BAD: variants seen among roughly 807,000 people sequenced by gnomAD.
BAD encodes bcl2-associated agonist of cell death.
Under a neutral mutation model 17.8 loss-of-function variants are expected in BAD, and 18 were observed. That is an observed-to-expected ratio of 1.01 (90% CI 0.70 to 1.50). The LOEUF is 1.50. Among genes scored for constraint, BAD ranks in the 40% most tolerant of loss-of-function variants. BAD has a pLI of 0.00. For synonymous variants in BAD, 112 were observed against 91.5 expected (o/e 1.22, Z -1.28); for missense variants, 294 against 239.3 (o/e 1.23, Z -1.51).
chr11:64,272,503 C>T (rs969064994), intron 2 of BAD, among the ~76,000 whole-genome samples: 4 of 152,164 alleles, frequency 2.6e-5, no homozygotes, highest in Non-Finnish European at 2.9e-5. Context: ...ACCTGCAGAG[C>T]CCCTGGAGAA....
At chr11:64,270,705 G>C (rs1239047709) in intron 3 of BAD, 3 of 508,118 alleles carry the variant, frequency 5.9e-6, no homozygotes, top group South Asian at 4.6e-5. Context: ...TGAAGCGGGA[G>C]GATCCTTTGA....
intron 2 of BAD, among the ~76,000 whole-genome samples, chr11:64,282,714 A>G (rs942761297): frequency 4.0e-5 from 6 of 151,320 alleles, no homozygotes; most frequent in Admixed American, 3.3e-4. Context: ...CCCATCTCTA[A>G]TAAAAATACA....
intron 2 of BAD, among the ~76,000 whole-genome samples, chr11:64,281,157 C>CG (rs1256100547): frequency 1.3e-5 from 2 of 152,058 alleles, no homozygotes; most frequent in Admixed American, 6.6e-5. Flanking sequence ...TTAGTGGAGA[C>CG]GGGGTTCACC....
intron 2 of BAD, among the ~76,000 whole-genome samples, chr11:64,278,391 T>A (rs765039217): frequency 1.2e-4 from 18 of 148,164 alleles, no homozygotes; most frequent in Non-Finnish European, 2.4e-4. Context: ...TATATATTTA[T>A]ATATAAATAT....
intron 2 of BAD, among the ~76,000 whole-genome samples, chr11:64,283,581 G>A (rs575580964): frequency 2.6e-5 from 4 of 152,210 alleles, no homozygotes; most frequent in Admixed American, 6.5e-5. Flanking sequence ...CTGTGGGTAC[G>A]AGCCACAGGG....
At chr11:64,274,619 G>C (rs941227487) in intron 2 of BAD, among the ~76,000 whole-genome samples, 9 of 152,056 alleles carry the variant, frequency 5.9e-5, no homozygotes, top group Non-Finnish European at 1.2e-4. Flanking sequence ...TCAGGAGTTC[G>C]AGACCAGCCT....
At chr11:64,283,445 AG>A (rs2033618070) in intron 2 of BAD, among the ~76,000 whole-genome samples, 1 of 152,230 alleles carries the variant, frequency 6.6e-6, no homozygotes, top group South Asian at 2.1e-4. Context: ...AAATGGACAT[AG>A]AACCCCAGTG....
At chr11:64,271,509 T>A in intron 3 of BAD, 104 bp downstream of exon 3, 1 of 1,193,796 alleles carries the variant, frequency 8.4e-7, no homozygotes. Context: ...TGGGGAGGGG[T>A]CGTGGGACTC....
chr11:64,274,992 C>CAAAAAAGAA (rs2032947214), intron 2 of BAD, among the ~76,000 whole-genome samples: 1 of 54,406 alleles, frequency 1.8e-5, no homozygotes, highest in African/African-American at 9.2e-5. Flanking sequence ...GACTTTGTCT[C>CAAAAAAGAA]AAAAAAAAAA....
intron 2 of BAD, among the ~76,000 whole-genome samples, chr11:64,274,008 C>T (rs2032848179): frequency 1.3e-5 from 2 of 152,162 alleles, no homozygotes. Context: ...GTCTCTTCTC[C>T]CCTCAGAGGA....
At position 64,269,874 on chromosome 11, in the gene BAD, GC is replaced by G; in HGVS notation, c.*334del. On this transcript the variant is annotated 3_prime_UTR_variant, in exon 4 of 4. Coordinates refer to ENST00000309032, the MANE Select transcript of BAD (RefSeq NM_032989.3). ...TTATTAACATTTGGTAGTGAGCACG[GC>G]CCCCAGGGCATCGCGGGGGCTCGGG... The G allele has an allele frequency of 1.4e-6, 1 of 698,810 alleles. No individual in the cohort carries two copies. The highest frequency in any genetic ancestry group is 3.6e-4 in the Middle Eastern group (1 of 2,778). The allele number at this position is 698,810 out of a possible 1,614,324, so 43.3% of individuals were successfully genotyped here.
intron 2 of BAD, among the ~76,000 whole-genome samples, chr11:64,280,340 A>ATAG (rs2033373740): frequency 7.4e-6 from 1 of 134,570 alleles, no homozygotes. Flanking sequence ...TAAAATAATA[A>ATAG]TAATAATAAT....
At chr11:64,270,605 G>A (rs1401126501) in intron 3 of BAD, 2 of 678,412 alleles carry the variant, frequency 2.9e-6, no homozygotes, top group Admixed American at 2.0e-5. Flanking sequence ...CAGAGCTGGA[G>A]ACCTAGCACC....
intron 2 of BAD, among the ~76,000 whole-genome samples, chr11:64,277,715 AG>A (rs1048187236): frequency 1.3e-5 from 2 of 152,174 alleles, no homozygotes; most frequent in African/African-American, 4.8e-5. Context: ...CTGGGATTAC[AG>A]GTATGAAAGG....
At position 64,269,871 on chromosome 11, in the gene BAD, A is replaced by G. The variant is rs553378700; in HGVS notation, c.*338T>C. 66 of 698,618 alleles carry G rather than the reference A, an allele frequency of 9.4e-5. No individual in the cohort carries two copies. The highest frequency in any genetic ancestry group is 7.8e-4 in the South Asian group (52 of 66,648). The allele number at this position is 698,618 out of a possible 1,614,324, so 43.3% of individuals were successfully genotyped here. On this transcript the variant is annotated 3_prime_UTR_variant, in exon 4 of 4. Coordinates refer to ENST00000309032, the MANE Select transcript of BAD (RefSeq NM_032989.3). ...GCTTTATTAACATTTGGTAGTGAGC[A>G]CGGCCCCCAGGGCATCGCGGGGGCT...
chr11:64,269,898 G>A lies in BAD; in HGVS notation c.*311C>T. On this transcript the variant is annotated 3_prime_UTR_variant, in exon 4 of 4. Coordinates refer to ENST00000309032, the MANE Select transcript of BAD (RefSeq NM_032989.3). ...GGCCCCCAGGGCATCGCGGGGGCTC[G>A]GGTCCCGGTGACGCAACGGTTAAAC... is the stretch of plus-strand genomic sequence containing the variant. The A allele has an allele frequency of 1.4e-6, 1 of 700,720 alleles. No homozygotes were observed. Among genetic ancestry groups the A allele is most frequent in the Non-Finnish European group, 2.6e-6 (1 of 385,868 alleles). The allele number at this position is 700,720 out of a possible 1,614,324, so 43.4% of individuals were successfully genotyped here.
intron 2 of BAD, among the ~76,000 whole-genome samples, chr11:64,279,422 C>A (rs2033279703): frequency 6.6e-6 from 1 of 152,144 alleles, no homozygotes; most frequent in Admixed American, 6.5e-5. Flanking sequence ...ACTCCAAGTC[C>A]CTGCCAGCTC....
chr11:64,281,198 C>G (rs1478743540), intron 2 of BAD, among the ~76,000 whole-genome samples: 1 of 151,972 alleles, frequency 6.6e-6, no homozygotes, highest in Non-Finnish European at 1.5e-5. Flanking sequence ...TATCTCCTGA[C>G]CTCATGATCT....
chr11:64,282,094 C>T (rs188889982), intron 2 of BAD, among the ~76,000 whole-genome samples: 4 of 152,282 alleles, frequency 2.6e-5, no homozygotes, highest in African/African-American at 9.6e-5. Flanking sequence ...CTTGTTTGCT[C>T]ATGGCCCCAC....
Sources: allele counts gnomAD v4.1 joint callset (sites outside exome capture counted in the v4.1 genomes callset), GRCh38; gene constraint gnomAD v4.1.1; transcripts MANE v1.5; gene names NCBI Gene and HGNC (gene_info 2026-07-23, HGNC 2026-07-21).